The following RBFOX1 variants were observed in gnomAD, a reference collection of about 807,000 sequenced individuals.
The protein encoded by RBFOX1 is RNA binding fox-1 homolog 1.
In RBFOX1, 8 loss-of-function variants were observed where a neutral mutation model predicts 57.7. The observed-to-expected ratio is 0.14, with a 90% confidence interval of 0.08 to 0.25. The LOEUF is 0.25. RBFOX1 is among the 10% of genes least tolerant of loss of function. RBFOX1 has a pLI of 1.00. For missense variants in RBFOX1, 611 were observed against 548.5 expected, an observed-to-expected ratio of 1.11 and a Z score of -1.14; for synonymous variants, 326 against 222.4, an observed-to-expected ratio of 1.47 and a Z score of -4.15.
At chr16:7,037,463 C>T (rs555400484) in intron 3 of RBFOX1, among the ~76,000 whole-genome samples, 3 of 152,000 alleles carry the variant, frequency 2.0e-5, no homozygotes, top group East Asian at 3.9e-4. Flanking sequence ...GGTTCATAAA[C>T]CTCTGACAAT....
chr16:5,972,086 C>G (rs1393360704), intron 4 of RBFOX1, among the ~76,000 whole-genome samples: 1 of 152,322 alleles, frequency 6.6e-6, no homozygotes, highest in East Asian at 1.9e-4. Context: ...GACTGAAACA[C>G]CACCATTCAT....
intron 3 of RBFOX1, among the ~76,000 whole-genome samples, chr16:7,005,625 A>T (rs2093229652): frequency 6.6e-6 from 1 of 152,186 alleles, no homozygotes; most frequent in African/African-American, 2.4e-5. Context: ...TGACACTCAC[A>T]GATAGACTTT....
At chr16:7,560,463 T>G (rs2152669942) in intron 5 of RBFOX1, among the ~76,000 whole-genome samples, 1 of 152,136 alleles carries the variant, frequency 6.6e-6, no homozygotes, top group East Asian at 1.9e-4. Flanking sequence ...CTAAAAGTCT[T>G]GTTGCTGCTC....
intron 2 of RBFOX1, among the ~76,000 whole-genome samples, chr16:6,585,454 T>C (rs1246587138): frequency 6.6e-6 from 1 of 152,238 alleles, no homozygotes; most frequent in Non-Finnish European, 1.5e-5. Context: ...CCCCTTTGAA[T>C]AGAACCTTAG....
intron 4 of RBFOX1, among the ~76,000 whole-genome samples, chr16:7,367,470 A>C (rs1397814468): frequency 6.6e-6 from 1 of 152,176 alleles, no homozygotes; most frequent in Non-Finnish European, 1.5e-5. Flanking sequence ...TGCTATAGAA[A>C]TGTGTACGTG....
intron 3 of RBFOX1, among the ~76,000 whole-genome samples, chr16:6,949,579 C>CT (rs34231410): frequency 2.0e-5 from 3 of 151,552 alleles, no homozygotes; most frequent in Admixed American, 6.6e-5. Flanking sequence ...CTCACTTGGC[C>CT]TTTTTTTTTG....
intron 1 of RBFOX1, among the ~76,000 whole-genome samples, chr16:6,184,026 C>T (rs1031932270): frequency 2.6e-5 from 4 of 152,094 alleles, no homozygotes; most frequent in South Asian, 2.1e-4. Context: ...ACCGCACAAT[C>T]GTGCCAGAAG....
At chr16:6,482,028 A>G (rs984893286) in intron 2 of RBFOX1, among the ~76,000 whole-genome samples, 1 of 152,232 alleles carries the variant, frequency 6.6e-6, no homozygotes, top group Non-Finnish European at 1.5e-5. Context: ...TTGCCTCTAG[A>G]TATGAAGTTG....
chr16:5,661,713 T>A (rs886498406), intron 3 of RBFOX1, among the ~76,000 whole-genome samples: 2 of 152,224 alleles, frequency 1.3e-5, no homozygotes, highest in African/African-American at 4.8e-5. Flanking sequence ...TGCTGTCTTA[T>A]CAAATTTTAA....
chr16:7,037,981 GA>G (rs1206718131), intron 3 of RBFOX1, among the ~76,000 whole-genome samples: 8 of 152,040 alleles, frequency 5.3e-5, no homozygotes, highest in East Asian at 1.9e-4. Flanking sequence ...CAATGAGAAA[GA>G]AAAAAAATTA....
At chr16:5,832,708 G>A (rs2056322031) in intron 3 of RBFOX1, among the ~76,000 whole-genome samples, 1 of 152,134 alleles carries the variant, frequency 6.6e-6, no homozygotes, top group African/African-American at 2.4e-5. Context: ...CCTTTTCATT[G>A]GGGGCATCAT....
intron 3 of RBFOX1, among the ~76,000 whole-genome samples, chr16:6,661,668 C>T (rs1047665199): frequency 1.3e-5 from 2 of 152,276 alleles, no homozygotes; most frequent in South Asian, 4.1e-4. Flanking sequence ...TGGGTGAATG[C>T]AGGAAGCTGA....
intron 3 of RBFOX1, among the ~76,000 whole-genome samples, chr16:5,669,149 G>A (rs549367685): frequency 1.3e-5 from 2 of 152,198 alleles, no homozygotes; most frequent in East Asian, 3.9e-4. Flanking sequence ...CCAGAGGGTT[G>A]GCCTTTACCC....
chr16:6,644,370 G>A (rs1342722231), intron 2 of RBFOX1, among the ~76,000 whole-genome samples: 3 of 152,296 alleles, frequency 2.0e-5, no homozygotes, highest in East Asian at 1.9e-4. Flanking sequence ...TGTATCTTGT[G>A]TTAATATTAT....
At chr16:5,354,193 C>T (rs748860046) in intron 1 of RBFOX1, among the ~76,000 whole-genome samples, 9 of 152,174 alleles carry the variant, frequency 5.9e-5, no homozygotes, top group Non-Finnish European at 8.8e-5. Flanking sequence ...CTGTTCCTGT[C>T]GGCCTTGGCT....
chr16:6,015,632 A>G (rs369617494), upstream of RBFOX1, among the ~76,000 whole-genome samples: 42 of 152,188 alleles, frequency 2.8e-4, no homozygotes, highest in African/African-American at 9.9e-4. Context: ...TGCTGTTCCT[A>G]GAAGGAGCTA....
intron 2 of RBFOX1, among the ~76,000 whole-genome samples, chr16:6,515,928 T>C (rs4786876): frequency 0.85 from 128,618 of 152,170 alleles, 55,061 homozygotes; most frequent in Non-Finnish European, 0.92. Context: ...GGAATGAGTC[T>C]GTGAAACCTG....
At chr16:5,437,988 G>A (rs960275035) in intron 1 of RBFOX1, among the ~76,000 whole-genome samples, 3 of 152,194 alleles carry the variant, frequency 2.0e-5, no homozygotes, top group East Asian at 3.8e-4. Flanking sequence ...CCATGTCTCT[G>A]TGTTGTCAAG....
chr16:5,745,174 A>T (rs762308607), intron 3 of RBFOX1, among the ~76,000 whole-genome samples: 1 of 151,996 alleles, frequency 6.6e-6, no homozygotes, highest in Non-Finnish European at 1.5e-5. Flanking sequence ...TCCCACCTAT[A>T]AGTGAGAACA....
Sources: gnomAD v4.1 joint callset for allele counts (sites outside exome capture counted in the v4.1 genomes callset) on GRCh38, gnomAD v4.1.1 for gene constraint, MANE v1.5 for transcripts, NCBI Gene and HGNC (gene_info 2026-07-23, HGNC 2026-07-21) for gene names.